Variants in MARCHF1 observed in about 807,000 individuals in gnomAD.
MARCHF1 encodes the protein E3 ubiquitin-protein ligase MARCHF1.
MARCHF1 carries 40 observed loss-of-function variants against 54.2 expected under a neutral mutation model. That is an observed-to-expected ratio of 0.74 (90% CI 0.57 to 0.96). MARCHF1 has a LOEUF of 0.96. Among genes scored for constraint, MARCHF1 ranks in the 40% least tolerant of loss-of-function variants. The pLI, the probability that MARCHF1 is intolerant of heterozygous loss-of-function variation, is 0.00. For missense variants in MARCHF1, 586 were observed against 656.5 expected (o/e 0.89, Z 1.17); for synonymous variants, 236 against 236.3 (o/e 1.00, Z 0.01).
intron 1 of MARCHF1, among the ~76,000 whole-genome samples, chr4:164,349,346 T>C (rs1236026583): frequency 6.6e-6 from 1 of 152,224 alleles, no homozygotes; most frequent in Non-Finnish European, 1.5e-5. Context: ...TCTGCATTTT[T>C]ATTCCTCTCA....
intron 1 of MARCHF1, among the ~76,000 whole-genome samples, chr4:164,140,890 A>G (rs1238426423): frequency 6.6e-6 from 1 of 152,178 alleles, no homozygotes; most frequent in Non-Finnish European, 1.5e-5. Context: ...AACTAACCTG[A>G]ACATGACCTC....
chr4:164,345,240 G>A (rs1730053449), intron 1 of MARCHF1, among the ~76,000 whole-genome samples: 2 of 152,014 alleles, frequency 1.3e-5, no homozygotes, highest in Non-Finnish European at 2.9e-5. Context: ...TGTACTCCAT[G>A]AATATGTACA....
At chr4:163,791,260 G>C (rs1747767342) in intron 4 of MARCHF1, among the ~76,000 whole-genome samples, 1 of 152,008 alleles carries the variant, frequency 6.6e-6, no homozygotes, top group African/African-American at 2.4e-5. Flanking sequence ...TACTTTTACA[G>C]GCTACTATTA....
At chr4:164,212,713 G>A (rs1731811704) in intron 1 of MARCHF1, among the ~76,000 whole-genome samples, 1 of 152,112 alleles carries the variant, frequency 6.6e-6, no homozygotes, top group Non-Finnish European at 1.5e-5. Flanking sequence ...GTATCCATGG[G>A]TTCGGTATCC....
At chr4:164,072,234 T>C (rs1037827135) in intron 2 of MARCHF1, among the ~76,000 whole-genome samples, 2 of 152,198 alleles carry the variant, frequency 1.3e-5, no homozygotes, top group African/African-American at 4.8e-5. Context: ...AAAAACATTA[T>C]AATTTCCCGT....
chr4:164,328,241 G>C (rs1735333502), intron 1 of MARCHF1, among the ~76,000 whole-genome samples: 1 of 152,094 alleles, frequency 6.6e-6, no homozygotes, highest in Non-Finnish European at 1.5e-5. Flanking sequence ...CGTTCTGAAA[G>C]ATGCTAAAAC....
At chr4:163,929,955 T>A (rs1451594984) in intron 3 of MARCHF1, among the ~76,000 whole-genome samples, 30 of 81,388 alleles carry the variant, frequency 3.7e-4, no homozygotes, top group African/African-American at 1.5e-3. Context: ...ATTATATATA[T>A]TATATATAAT....
chr4:163,528,218 A>ATACC lies in MARCHF1; in HGVS notation c.*529_*530insGGTA, dbSNP rs1738205177. The ATACC allele has an allele frequency of 6.5e-6, 1 of 153,082 alleles. No individual in the cohort carries two copies. Among genetic ancestry groups the ATACC allele is most frequent in the African/African-American group, 2.4e-5 (1 of 41,456 alleles). The allele number at this position is 153,082 out of a possible 1,614,324, so 9.5% of individuals were successfully genotyped here. A position where few individuals can be genotyped will look rare whatever the true frequency, so the allele number is the denominator to read the frequency against. On this transcript the variant is annotated 3_prime_UTR_variant, in exon 10 of 10. Transcript: ENST00000514618. ...ATAACCAGACTCCACTAAACCATAC[A>ATACC]AATCTGTTAGCTGTCAAAGCATATC...
At chr4:164,232,294 A>C (rs767213284) in intron 1 of MARCHF1, among the ~76,000 whole-genome samples, 1 of 152,180 alleles carries the variant, frequency 6.6e-6, no homozygotes, top group Non-Finnish European at 1.5e-5. Context: ...AAAACACTGC[A>C]AATCCCTCAC....
At chr4:164,257,991 T>C (rs919854681) in intron 1 of MARCHF1, among the ~76,000 whole-genome samples, 4 of 152,158 alleles carry the variant, frequency 2.6e-5, no homozygotes, top group Non-Finnish European at 5.9e-5. Flanking sequence ...AGCAAAGACT[T>C]GGAACCAACC....
intron 4 of MARCHF1, among the ~76,000 whole-genome samples, chr4:163,713,575 C>A (rs765806139): frequency 2.2e-4 from 34 of 152,240 alleles, no homozygotes; most frequent in Admixed American, 5.9e-4. Context: ...TTTATGTGAA[C>A]TTTACATCTT....
At chr4:163,547,553 T>C (rs1403171608) in intron 8 of MARCHF1, among the ~76,000 whole-genome samples, 2 of 152,238 alleles carry the variant, frequency 1.3e-5, no homozygotes, top group African/African-American at 4.8e-5. Flanking sequence ...AACTGGAGTT[T>C]TCTCAGCCCA....
At chr4:164,378,297 G>C (rs1203200474) in intron 1 of MARCHF1, among the ~76,000 whole-genome samples, 1 of 152,216 alleles carries the variant, frequency 6.6e-6, no homozygotes, top group Non-Finnish European at 1.5e-5. Flanking sequence ...TGAGGGACTG[G>C]AGAGACAAAA....
At chr4:163,623,705 T>C (rs147489629) in intron 5 of MARCHF1, among the ~76,000 whole-genome samples, 13 of 152,336 alleles carry the variant, frequency 8.5e-5, no homozygotes, top group African/African-American at 3.1e-4. Context: ...AAGTAACTAA[T>C]TACTAAACTC....
chr4:164,101,106 G>A (rs896988998), intron 2 of MARCHF1, among the ~76,000 whole-genome samples: 1 of 152,200 alleles, frequency 6.6e-6, no homozygotes, highest in African/African-American at 2.4e-5. Context: ...TGGCTCGGAG[G>A]GTCCTACGCC....
At chr4:164,348,858 C>T (rs1404200640) in intron 1 of MARCHF1, among the ~76,000 whole-genome samples, 1 of 152,124 alleles carries the variant, frequency 6.6e-6, no homozygotes, top group Non-Finnish European at 1.5e-5. Flanking sequence ...TTGCACTCTT[C>T]CAGATACAGA....
intron 4 of MARCHF1, among the ~76,000 whole-genome samples, chr4:163,775,258 T>G (rs563422818): frequency 1.1e-4 from 16 of 152,290 alleles, no homozygotes; most frequent in African/African-American, 3.8e-4. Context: ...TCTTTCCCAT[T>G]TTTACTCATA....
At chr4:164,128,246 T>TA (rs1210805702) in intron 1 of MARCHF1, among the ~76,000 whole-genome samples, 1 of 152,144 alleles carries the variant, frequency 6.6e-6, no homozygotes, top group Non-Finnish European at 1.5e-5. Flanking sequence ...AGGTATTTTT[T>TA]AATGACAGAA....
In MARCHF1 at chr4:163,618,901, C is replaced by T. The variant is rs113707093; in HGVS notation, c.163-5508G>A. Among the ~76,000 whole-genome samples the T allele has an allele frequency of 4.0e-4, 61 of 151,328 alleles. 1 individual carries two copies. The highest frequency in any genetic ancestry group is 1.4e-3 in the African/African-American group (59 of 41,352). On this transcript the variant is annotated intron_variant, in intron 5 of 9. Coordinates refer to ENST00000514618, the MANE Select transcript of MARCHF1 (RefSeq NM_001394959.1). ...GTTCTGATGAAGAAAGCACATCTAACGTAGAGTAGAACAGGGGTTTAATGT... is the reference window on the plus strand; with the variant it reads ...GTTCTGATGAAGAAAGCACATCTAATGTAGAGTAGAACAGGGGTTTAATGT...
Sources: gnomAD v4.1 joint callset for allele counts (sites outside exome capture counted in the v4.1 genomes callset) on GRCh38, gnomAD v4.1.1 for gene constraint, MANE v1.5 for transcripts, NCBI Gene and HGNC (gene_info 2026-07-23, HGNC 2026-07-21) for gene names.